Variants in MYOCD observed in about 807,000 individuals in gnomAD.
The protein encoded by MYOCD is myocardin.
A neutral mutation model predicts 96.1 loss-of-function variants in MYOCD; 32 were observed. That is an observed-to-expected ratio of 0.33 (90% CI 0.25 to 0.45). The LOEUF is 0.45. Ranked by LOEUF, MYOCD falls within the 20% of genes least tolerant of loss-of-function variation. The pLI is 1.00. For missense variants in MYOCD, 1,133 were observed against 1,200.6 expected (o/e 0.94, Z 0.83); for synonymous variants, 469 against 469.0 (o/e 1.00, Z 0.00).
rs1410787590 is a variant in MYOCD, at chr17:12,666,008, G to A, written c.-181G>A. On this transcript the variant is annotated 5_prime_UTR_variant, in exon 1 of 14. Coordinates refer to ENST00000425538, the MANE Select transcript of MYOCD (RefSeq NM_001146312.3). ...AGAGTTAATTAGCCCCGCACGGCGA[G>A]GGGGGAGGCGCCAGTTTTCTGGGGA... The A allele has an allele frequency of 3.6e-6, 2 of 550,168 alleles. No homozygotes were observed. The highest frequency in any genetic ancestry group is 3.0e-5 in the East Asian group (1 of 33,106). The allele number at this position is 550,168 out of a possible 1,614,324, so 34.1% of individuals were successfully genotyped here.
intron 6 of MYOCD, among the ~76,000 whole-genome samples, chr17:12,737,731 T>A (rs529562498): frequency 3.6e-4 from 55 of 152,336 alleles, no homozygotes; most frequent in African/African-American, 1.3e-3. Flanking sequence ...CACTGAAAAG[T>A]ACCATACAGA....
In MYOCD at chr17:12,715,642, G is replaced by T. The variant is rs891210378; in HGVS notation, c.177+68G>T. The T allele has an allele frequency of 3.2e-6, 4 of 1,243,840 alleles. No homozygotes were observed. In the African/African-American group the frequency reaches 4.4e-5, roughly 14 times the overall value. 77.1% of individuals were successfully genotyped at this position (1,243,840 alleles called of 1,614,324 possible). ...TATGAATCTCTGAATGCTAATCCTTGGTGGATGCGTGTAGAATTCCTACAA... is the reference window on the plus strand; with the variant it reads ...TATGAATCTCTGAATGCTAATCCTTTGTGGATGCGTGTAGAATTCCTACAA... On this transcript the variant is annotated intron_variant, in intron 3 of 13. Transcript: ENST00000425538.
chr17:12,760,337 C>A, intron 12 of MYOCD: 2 of 340,026 alleles, frequency 5.9e-6, no homozygotes, highest in South Asian at 3.3e-5. Context: ...TGGCGGTTGC[C>A]AGGGGCTAAA....
chr17:12,685,931 TG>T (rs1268597760), intron 1 of MYOCD, among the ~76,000 whole-genome samples: 1 of 152,228 alleles, frequency 6.6e-6, no homozygotes, highest in Non-Finnish European at 1.5e-5. Flanking sequence ...CAGGCTGGCC[TG>T]GTGATCCCAA....
intron 2 of MYOCD, among the ~76,000 whole-genome samples, chr17:12,713,374 C>T (rs74585571): frequency 0.033 from 5,028 of 152,232 alleles, 253 homozygotes; most frequent in African/African-American, 0.11. Flanking sequence ...GCCTCAGAGA[C>T]ATGAGAACCC....
Position 12,705,211 on chromosome 17 carries a change from T to G in MYOCD, c.121+18T>G. The G allele has an allele frequency of 6.3e-7, 1 of 1,586,318 alleles. No individual in the cohort carries two copies. Among genetic ancestry groups the G allele is most frequent in the Non-Finnish European group, 8.7e-7 (1 of 1,155,030 alleles). On this transcript the variant is annotated intron_variant, in intron 2 of 13. Coordinates refer to ENST00000425538, the MANE Select transcript of MYOCD (RefSeq NM_001146312.3). ...AATACCACGTGAGTACCTGCATCTC[T>G]TAATTACTGATATACATAGGGCCAC...
chr17:12,751,918 GC>G (rs1395519982), intron 9 of MYOCD, among the ~76,000 whole-genome samples: 19 of 152,206 alleles, frequency 1.2e-4, no homozygotes, highest in African/African-American at 4.3e-4. Context: ...CCACAGTGGG[GC>G]CCTGCAGTCT....
intron 7 of MYOCD, among the ~76,000 whole-genome samples, chr17:12,740,540 A>G (rs1157091181): frequency 6.6e-6 from 1 of 152,114 alleles, no homozygotes; most frequent in East Asian, 1.9e-4. Context: ...CATGTTGTAT[A>G]TGTACCACAT....
chr17:12,695,725 TA>T (rs1293629867), intron 1 of MYOCD, among the ~76,000 whole-genome samples: 3 of 152,184 alleles, frequency 2.0e-5, no homozygotes, highest in African/African-American at 7.2e-5. Context: ...ACATAAAATG[TA>T]CCCTATTAAC....
intron 1 of MYOCD, among the ~76,000 whole-genome samples, chr17:12,699,908 C>CTT (rs35667292): frequency 4.5e-4 from 46 of 101,518 alleles, no homozygotes; most frequent in Non-Finnish European, 6.4e-4. Flanking sequence ...TTTTTTTTAC[C>CTT]TTTTTTTTTT....
intron 1 of MYOCD, among the ~76,000 whole-genome samples, chr17:12,677,599 C>G (rs1331732169): frequency 6.6e-6 from 1 of 151,420 alleles, no homozygotes; most frequent in African/African-American, 2.4e-5. Flanking sequence ...GTAGTCCCAG[C>G]TACTAGGGAA....
At chr17:12,721,848 T>C (rs896195829) in intron 4 of MYOCD, among the ~76,000 whole-genome samples, 4 of 152,334 alleles carry the variant, frequency 2.6e-5, no homozygotes, top group Non-Finnish European at 5.9e-5. Flanking sequence ...GGAGAGGACA[T>C]GGGCTTTGGT....
At chr17:12,749,634 CGT>C (rs150077793) in intron 9 of MYOCD, among the ~76,000 whole-genome samples, 4,998 of 142,920 alleles carry the variant, frequency 0.035, 201 homozygotes, top group East Asian at 0.19. Context: ...CCTATATATA[CGT>C]GTGTATATAT....
chr17:12,749,192 C>T (rs984808692), intron 9 of MYOCD, among the ~76,000 whole-genome samples: 3 of 151,958 alleles, frequency 2.0e-5, no homozygotes, highest in Non-Finnish European at 2.9e-5. Flanking sequence ...GTTAACATTC[C>T]ACTGCTGGAC....
rs148520894 is a variant in MYOCD, at chr17:12,715,527, C to A, written c.130C>A (p.Arg44Ser). 1 of 1,613,440 alleles carries A rather than the reference C, an allele frequency of 6.2e-7. No individual in the cohort carries two copies. The highest frequency in any genetic ancestry group is 2.2e-5 in the East Asian group (1 of 44,858). ...ANQGIIPPLK[R>S]PAEFHEQRKH... ...TTGTGTTTCTGTTTCAGCACTGAAA[C>A]GTCCAGCTGAATTCCATGAGCAAAG... is the stretch of plus-strand genomic sequence containing the variant. The change falls in exon 3 of 14, where the codon CGT (arginine) becomes AGT (serine). Residue 44 changes from arginine (R) to serine (S), a missense_variant. Arg to Ser is a moderately radical substitution (Grantham distance 110). Coordinates refer to ENST00000425538, the MANE Select transcript of MYOCD (RefSeq NM_001146312.3).
At chr17:12,745,278 T>G (rs1261380038) in intron 8 of MYOCD, among the ~76,000 whole-genome samples, 1 of 152,142 alleles carries the variant, frequency 6.6e-6, no homozygotes, top group African/African-American at 2.4e-5. Flanking sequence ...GGCGCGATCT[T>G]GGCTCACCGC....
At chr17:12,746,727 C>CTTTTT (rs3050321) in intron 9 of MYOCD, among the ~76,000 whole-genome samples, 9 of 114,894 alleles carry the variant, frequency 7.8e-5, no homozygotes, top group Non-Finnish European at 1.2e-4. Context: ...TGGTGCCTAC[C>CTTTTT]TTTTTTTTTT....
chr17:12,688,678 T>TCTTCCTTCCTTCCTTCCTCCCTTC (rs2030280119), intron 1 of MYOCD, among the ~76,000 whole-genome samples: 1 of 149,820 alleles, frequency 6.7e-6, no homozygotes, highest in South Asian at 2.1e-4. Flanking sequence ...TTCATTCCTT[T>TCTTCCTTCCTTCCTTCCTCCCTTC]CTTCCTTCCT....
At chr17:12,711,035 A>G (rs2031465582) in intron 2 of MYOCD, among the ~76,000 whole-genome samples, 1 of 152,204 alleles carries the variant, frequency 6.6e-6, no homozygotes, top group Non-Finnish European at 1.5e-5. Flanking sequence ...GGTCTTGAAC[A>G]TTAGAAAGCT....
Sources: allele counts gnomAD v4.1 joint callset (sites outside exome capture counted in the v4.1 genomes callset), GRCh38; gene constraint gnomAD v4.1.1; transcripts MANE v1.5; gene names NCBI Gene and HGNC (gene_info 2026-07-23, HGNC 2026-07-21).